FBXO34: variants seen among roughly 807,000 people sequenced by gnomAD.
FBXO34 encodes F-box protein 34, also known as F-box only protein 34.
FBXO34 carries 12 observed loss-of-function variants against 24.5 expected under a neutral mutation model. The observed-to-expected ratio is 0.49, with a 90% CI of 0.31 to 0.79. The LOEUF is 0.79. Ranked by LOEUF, FBXO34 falls within the 30% of genes least tolerant of loss-of-function variation. FBXO34 has a pLI of 0.04. For synonymous variants in FBXO34, 320 were observed against 311.9 expected (o/e 1.03, Z -0.27); for missense variants, 823 against 857.7 (o/e 0.96, Z 0.51).
the FBXO34 span, among the ~76,000 whole-genome samples, chr14:55,438,140 A>G: frequency 2.0e-5 from 3 of 152,300 alleles, no homozygotes; most frequent in African/African-American, 4.8e-5. Context: ...GAGAAACTCA[A>G]AAAGATCTTA....
chr14:55,365,634 C>T (rs117449229), downstream of FBXO34, among the ~76,000 whole-genome samples: 101 of 152,298 alleles, frequency 6.6e-4, no homozygotes, highest in East Asian at 0.017. Context: ...GGAGAAATCT[C>T]CCTTTAAACA....
At chr14:55,357,670 A>G (rs1884541424), downstream of FBXO34, among the ~76,000 whole-genome samples, 2 of 152,130 alleles carry the variant, frequency 1.3e-5, no homozygotes, top group African/African-American at 4.8e-5. Context: ...TAAATGAGTG[A>G]GGCATGGTGG....
At chr14:55,280,887 C>T (rs978349428) in intron 1 of FBXO34, among the ~76,000 whole-genome samples, 4 of 151,948 alleles carry the variant, frequency 2.6e-5, no homozygotes, top group African/African-American at 7.3e-5. Flanking sequence ...GGAACCAATC[C>T]GCCATGGATA....
At chr14:55,424,593 A>G in the FBXO34 span, among the ~76,000 whole-genome samples, 1 of 152,250 alleles carries the variant, frequency 6.6e-6, no homozygotes, top group African/African-American at 2.4e-5. Flanking sequence ...ATAAGAATAC[A>G]TAATCATGTT....
At chr14:55,425,306 G>A in the FBXO34 span, among the ~76,000 whole-genome samples, 2 of 152,146 alleles carry the variant, frequency 1.3e-5, no homozygotes, top group Admixed American at 6.5e-5. Flanking sequence ...TGACACTAGG[G>A]GGAGCCCTGA....
chr14:55,412,438 C>T, the FBXO34 span, among the ~76,000 whole-genome samples: 2 of 152,172 alleles, frequency 1.3e-5, no homozygotes, highest in Non-Finnish European at 2.9e-5. Flanking sequence ...CGTGCAAAAT[C>T]AGAATTGTAT....
At chr14:55,335,530 G>T (rs1359529881) in intron 1 of FBXO34, 4 of 152,162 alleles carry the variant, frequency 2.6e-5, no homozygotes, top group Non-Finnish European at 4.4e-5. Flanking sequence ...AATAAGTATA[G>T]TGTATGTAGG....
chr14:55,312,724 G>C (rs1443128398), intron 1 of FBXO34, among the ~76,000 whole-genome samples: 6 of 152,244 alleles, frequency 3.9e-5, no homozygotes, highest in Non-Finnish European at 8.8e-5. Flanking sequence ...GGCCTGAGCT[G>C]TACGTTGCTC....
the FBXO34 span, among the ~76,000 whole-genome samples, chr14:55,402,199 A>G: frequency 1.3e-5 from 2 of 152,190 alleles, no homozygotes; most frequent in Admixed American, 1.3e-4. Flanking sequence ...TGTCCCAAGC[A>G]CAGCACCTTT....
In FBXO34 at chr14:55,338,048, C is replaced by CTTTTTTTTTT. The variant is rs58194693; in HGVS notation, c.-10-12323_-10-12314dup. Among the ~76,000 whole-genome samples the CTTTTTTTTTT allele has an allele frequency of 3.0e-3, 263 of 88,230 alleles. 31 individuals are homozygous for CTTTTTTTTTT. Among genetic ancestry groups the CTTTTTTTTTT allele is most frequent in the African/African-American group, 4.4e-3 (92 of 20,794 alleles). 57.9% of individuals were successfully genotyped at this position (88,230 alleles called of 152,430 possible). On this transcript the variant is annotated intron_variant, in intron 1 of 1. Coordinates refer to ENST00000313833, the MANE Select transcript of FBXO34 (RefSeq NM_017943.4). ...CAATTGGAGATAAGAGTATGTACTT[C>CTTTTTTTTTT]TTTTTTTTTTTTTTTTTTTGAGATG...
chr14:55,365,225 C>CAA (rs1175120629), downstream of FBXO34, among the ~76,000 whole-genome samples: 376 of 88,622 alleles, frequency 4.2e-3, 1 homozygote, highest in African/African-American at 0.011. Flanking sequence ...TCTATCATCT[C>CAA]AAAAAAAAAA....
intron 1 of FBXO34, among the ~76,000 whole-genome samples, chr14:55,323,750 A>C (rs561321916): frequency 6.6e-6 from 1 of 152,164 alleles, no homozygotes; most frequent in African/African-American, 2.4e-5. Context: ...ATTTATTCAA[A>C]CATCTTGCAT....
At chr14:55,274,755 G>A (rs8016181) in intron 1 of FBXO34, among the ~76,000 whole-genome samples, 152,293 of 152,352 alleles carry the variant, frequency 1, 76,117 homozygotes, top group Middle Eastern at 1. Flanking sequence ...CAGTTTTTAT[G>A]TTCTAGTAAC....
intron 1 of FBXO34, among the ~76,000 whole-genome samples, chr14:55,308,953 T>G (rs543714453): frequency 6.6e-6 from 1 of 152,238 alleles, no homozygotes; most frequent in Non-Finnish European, 1.5e-5. Context: ...TATTTTCTTA[T>G]TACAGTGTAG....
the FBXO34 span, chr14:55,395,167 G>T: frequency 2.2e-6 from 1 of 458,214 alleles, no homozygotes; most frequent in Non-Finnish European, 4.5e-6. Context: ...GCTGATAAGC[G>T]TGCCGATCTC....
chr14:55,426,268 A>C, the FBXO34 span, among the ~76,000 whole-genome samples: 1 of 101,770 alleles, frequency 9.8e-6, no homozygotes. Flanking sequence ...ACTCCATCTC[A>C]AAAAAAAAAA....
At chr14:55,282,335 C>T in intron 1 of FBXO34, 1 of 462,470 alleles carries the variant, frequency 2.2e-6, no homozygotes, top group Admixed American at 2.1e-5. Flanking sequence ...TCAACACTTT[C>T]ACAATGATTT....
chr14:55,321,038 A>C (rs979518351), intron 1 of FBXO34, among the ~76,000 whole-genome samples: 8 of 150,748 alleles, frequency 5.3e-5, no homozygotes, highest in African/African-American at 1.9e-4. Flanking sequence ...AACAGTGGAC[A>C]CAGAGAAAAT....
chr14:55,350,651 C>T lies in FBXO34; in HGVS notation c.261C>T (p.Thr87=), dbSNP rs746515870. Residue 87 remains threonine (T), a synonymous_variant, in exon 2 of 2, where the codon ACC becomes ACT. Transcript: ENST00000313833. Reference sequence around the variant, plus strand: ...TAGAGAGCAGCTTGAATGTTAAAACCAAAAAGAATGCACCATCTGCAACGA... The same window carrying T: ...TAGAGAGCAGCTTGAATGTTAAAACTAAAAAGAATGCACCATCTGCAACGA... ...SPVESSLNVK[T]KKNAPSATIH... is the part of the protein sequence containing the mutation. The T allele has an allele frequency of 6.2e-7, 1 of 1,613,366 alleles. No homozygotes were observed. Among genetic ancestry groups the T allele is most frequent in the East Asian group, 2.2e-5 (1 of 44,882 alleles).
Sources: allele counts gnomAD v4.1 joint callset (sites outside exome capture counted in the v4.1 genomes callset), GRCh38; gene constraint gnomAD v4.1.1; transcripts MANE v1.5; gene names NCBI Gene and HGNC (gene_info 2026-07-23, HGNC 2026-07-21).